The following GRIA4 variants were observed in gnomAD, a reference collection of about 807,000 sequenced individuals.
GRIA4 encodes glutamate ionotropic receptor AMPA type subunit 4.
In GRIA4, 34 loss-of-function variants were observed where a neutral mutation model predicts 104.0. That is an observed-to-expected ratio of 0.33 (90% confidence interval 0.25 to 0.44). The LOEUF (loss-of-function observed/expected upper bound fraction) is 0.44. Among genes scored for constraint, GRIA4 ranks in the 20% least tolerant of loss-of-function variants. The probability of loss-of-function intolerance (pLI) is 1.00; values close to 1 mark genes in which losing one functional copy is unlikely to be tolerated. For synonymous variants in GRIA4, 386 were observed against 381.9 expected (o/e 1.01, Z -0.13); for missense variants, 750 against 1,096.5 (o/e 0.68, Z 4.46).
intron 4 of GRIA4, among the ~76,000 whole-genome samples, chr11:105,836,432 G>A (rs1944189132): frequency 6.6e-6 from 1 of 152,020 alleles, no homozygotes; most frequent in Admixed American, 6.6e-5. Flanking sequence ...ACAGTAATAT[G>A]AGGAGCATAG....
chr11:105,933,588 T>C (rs1171947172), intron 13 of GRIA4, 134 bp from the exon 14 acceptor site: 1 of 619,332 alleles, frequency 1.6e-6, no homozygotes, highest in African/African-American at 1.8e-5. Flanking sequence ...ATTACTATTA[T>C]GTTACTCTGT....
chr11:105,771,292 T>G (rs1941197135), intron 4 of GRIA4, among the ~76,000 whole-genome samples: 1 of 152,128 alleles, frequency 6.6e-6, no homozygotes, highest in Admixed American at 6.6e-5. Context: ...TTGCACTATT[T>G]TTTGAAACAT....
intron 5 of GRIA4, among the ~76,000 whole-genome samples, chr11:105,874,493 A>ATAAAT (rs768294216): frequency 2.6e-5 from 4 of 152,162 alleles, no homozygotes; most frequent in Non-Finnish European, 4.4e-5. Context: ...CATTGAATCT[A>ATAAAT]TAAATTACAT....
intron 14 of GRIA4, among the ~76,000 whole-genome samples, chr11:105,937,597 G>A (rs1198006564): frequency 6.6e-6 from 1 of 151,964 alleles, no homozygotes; most frequent in Non-Finnish European, 1.5e-5. Context: ...CACTTCCTCT[G>A]GCGCTTAGAA....
intron 4 of GRIA4, among the ~76,000 whole-genome samples, chr11:105,777,035 G>T (rs1941480478): frequency 6.6e-6 from 1 of 152,014 alleles, no homozygotes; most frequent in Non-Finnish European, 1.5e-5. Context: ...GGAGGTTTTA[G>T]TGCCAGCCAA....
chr11:105,917,637 G>A (rs796941863), intron 10 of GRIA4, among the ~76,000 whole-genome samples: 3 of 152,228 alleles, frequency 2.0e-5, no homozygotes, highest in African/African-American at 7.2e-5. Flanking sequence ...TGTAGCCAAA[G>A]GTGGTCACTC....
chr11:105,742,307 T>A (rs1043957129), intron 3 of GRIA4, among the ~76,000 whole-genome samples: 1 of 152,172 alleles, frequency 6.6e-6, no homozygotes, highest in African/African-American at 2.4e-5. Flanking sequence ...CCCCTACACA[T>A]ATCTTACCTA....
intron 14 of GRIA4, among the ~76,000 whole-genome samples, chr11:105,963,874 TAA>T (rs1249927203): frequency 6.6e-6 from 1 of 152,152 alleles, no homozygotes; most frequent in Non-Finnish European, 1.5e-5. Flanking sequence ...TCTCATGAAA[TAA>T]GTTTAGTTTT....
chr11:105,628,718 A>G (rs2135300816), intron 3 of GRIA4, among the ~76,000 whole-genome samples: 1 of 152,310 alleles, frequency 6.6e-6, no homozygotes, highest in East Asian at 1.9e-4. Context: ...AGAATAATGC[A>G]CATGCCTTTA....
chr11:105,857,756 G>C (rs1591358518), intron 4 of GRIA4, among the ~76,000 whole-genome samples: 1 of 152,096 alleles, frequency 6.6e-6, no homozygotes, highest in Non-Finnish European at 1.5e-5. Flanking sequence ...ACACTTTCTA[G>C]TTCTCATCCA....
chr11:105,745,269 G>A (rs895293611), intron 3 of GRIA4, among the ~76,000 whole-genome samples: 1 of 151,948 alleles, frequency 6.6e-6, no homozygotes, highest in African/African-American at 2.4e-5. Flanking sequence ...ACGTTTGTTC[G>A]TATCACTGTT....
At chr11:105,790,314 C>T (rs532356238) in intron 4 of GRIA4, among the ~76,000 whole-genome samples, 31 of 152,320 alleles carry the variant, frequency 2.0e-4, no homozygotes, top group Middle Eastern at 3.4e-3. Context: ...CTGTGTGTCA[C>T]GCTTTAGTAA....
chr11:105,635,073 G>A (rs1951168744), intron 3 of GRIA4, among the ~76,000 whole-genome samples: 2 of 151,992 alleles, frequency 1.3e-5, no homozygotes, highest in South Asian at 4.2e-4. Context: ...CAGTGTTTCT[G>A]GTAAGTGTAT....
intron 4 of GRIA4, among the ~76,000 whole-genome samples, chr11:105,769,783 A>C (rs551957834): frequency 1.1e-4 from 16 of 152,084 alleles, no homozygotes; most frequent in Non-Finnish European, 1.9e-4. Flanking sequence ...ACAAGTGAAA[A>C]TGAGCATAGT....
At chr11:105,861,982 G>T (rs767779929) in intron 4 of GRIA4, 42 bp from the exon 5 acceptor site, 1 of 1,213,162 alleles carries the variant, frequency 8.2e-7, no homozygotes, top group South Asian at 1.3e-5. Flanking sequence ...CATTAAAGGG[G>T]AGTAAAAGCA....
chr11:105,627,857 T>G (rs1306409306), intron 3 of GRIA4, among the ~76,000 whole-genome samples: 2 of 152,218 alleles, frequency 1.3e-5, no homozygotes, highest in African/African-American at 4.8e-5. Context: ...GAACACTATA[T>G]AGTCTACTAC....
chr11:105,879,141 G>T lies in GRIA4; in HGVS notation c.673-8378G>T, dbSNP rs570280840. On this transcript the variant is annotated intron_variant, in intron 5 of 16. Coordinates refer to ENST00000282499, the MANE Select transcript of GRIA4 (RefSeq NM_000829.4). ...CTCTTACAGCTTCCCTTGTCTAAGG[G>T]AGGGAGTTCCCTGACCTCTTGTGCT... is the stretch of plus-strand genomic sequence containing the variant. 5.3e-5 allele frequency among the ~76,000 whole-genome samples: 8 copies of T among 152,260 alleles called. No individual in the cohort carries two copies. In the East Asian group the frequency reaches 1.5e-3, roughly 29 times the overall value.
intron 4 of GRIA4, among the ~76,000 whole-genome samples, chr11:105,831,897 T>C (rs1468496542): frequency 6.6e-6 from 1 of 152,052 alleles, no homozygotes; most frequent in Non-Finnish European, 1.5e-5. Context: ...TCCCTGGCTC[T>C]GTACTTTCTA....
intron 3 of GRIA4, among the ~76,000 whole-genome samples, chr11:105,670,910 G>A (rs183352933): frequency 1.3e-5 from 2 of 152,226 alleles, no homozygotes; most frequent in Non-Finnish European, 2.9e-5. Context: ...TCCCTTTCTT[G>A]TGGTGGTAGG....
Sources: gnomAD v4.1 joint callset for allele counts (sites outside exome capture counted in the v4.1 genomes callset) on GRCh38, gnomAD v4.1.1 for gene constraint, MANE v1.5 for transcripts, NCBI Gene and HGNC (gene_info 2026-07-23, HGNC 2026-07-21) for gene names.